The following CSNK2A2IP variants were observed in gnomAD, a reference collection of about 807,000 sequenced individuals.
CSNK2A2IP encodes casein kinase 2 subunit alpha' interacting protein.
the CSNK2A2IP span, among the ~76,000 whole-genome samples, chr3:88,347,805 C>T: frequency 6.6e-6 from 1 of 151,876 alleles, no homozygotes; most frequent in East Asian, 1.9e-4. Flanking sequence ...TATCTTCTAT[C>T]CTTTTAATAT....
At chr3:88,439,395 C>A in the CSNK2A2IP span, among the ~76,000 whole-genome samples, 1 of 151,710 alleles carries the variant, frequency 6.6e-6, no homozygotes, top group Non-Finnish European at 1.5e-5. Flanking sequence ...CTCTGTAAAC[C>A]TTTTTAGGTT....
chr3:88,394,653 C>A, the CSNK2A2IP span, among the ~76,000 whole-genome samples: 1 of 152,202 alleles, frequency 6.6e-6, no homozygotes, highest in East Asian at 1.9e-4. Context: ...GGATTACAGG[C>A]CTGAGCCAGC....
the CSNK2A2IP span, among the ~76,000 whole-genome samples, chr3:88,339,154 T>A: frequency 6.6e-6 from 1 of 152,090 alleles, no homozygotes; most frequent in Non-Finnish European, 1.5e-5. Flanking sequence ...TAGATCTTAT[T>A]TCTTCTATTG....
chr3:88,362,565 T>C, the CSNK2A2IP span, among the ~76,000 whole-genome samples: 1 of 152,206 alleles, frequency 6.6e-6, no homozygotes, highest in Non-Finnish European at 1.5e-5. Flanking sequence ...ATAATGCCCA[T>C]GACCTCTTAG....
the CSNK2A2IP span, among the ~76,000 whole-genome samples, chr3:88,386,531 T>G: frequency 2.6e-5 from 4 of 152,128 alleles, no homozygotes; most frequent in African/African-American, 9.7e-5. Context: ...AACAAAATAA[T>G]TGAGGCCATT....
At chr3:88,453,398 T>C in the CSNK2A2IP span, among the ~76,000 whole-genome samples, 8 of 152,108 alleles carry the variant, frequency 5.3e-5, no homozygotes, top group Non-Finnish European at 1.0e-4. Flanking sequence ...CAATTTTATA[T>C]TGCATATTCT....
chr3:88,392,281 G>A, the CSNK2A2IP span, among the ~76,000 whole-genome samples: 1 of 152,190 alleles, frequency 6.6e-6, no homozygotes, highest in Non-Finnish European at 1.5e-5. Flanking sequence ...TGGATATGTG[G>A]TTCAGAATTC....
chr3:88,379,177 C>T, the CSNK2A2IP span, among the ~76,000 whole-genome samples: 9 of 151,960 alleles, frequency 5.9e-5, no homozygotes, highest in Admixed American at 4.6e-4. Context: ...AGCCTAGATT[C>T]ACCATAGCTC....
At chr3:88,370,389 G>A in the CSNK2A2IP span, among the ~76,000 whole-genome samples, 1 of 151,864 alleles carries the variant, frequency 6.6e-6, no homozygotes, top group Non-Finnish European at 1.5e-5. Context: ...ACTAGCAGTG[G>A]CTAGACAGAT....
chr3:88,362,249 C>A, the CSNK2A2IP span, among the ~76,000 whole-genome samples: 1 of 152,106 alleles, frequency 6.6e-6, no homozygotes, highest in Admixed American at 6.6e-5. Flanking sequence ...CTTAAGAGAG[C>A]TTTCAGAGAA....
the CSNK2A2IP span, among the ~76,000 whole-genome samples, chr3:88,451,943 G>A: frequency 2.9e-3 from 438 of 151,914 alleles, 2 homozygotes; most frequent in African/African-American, 9.9e-3. Flanking sequence ...TTTGAATTGA[G>A]TTTCCTATTC....
the CSNK2A2IP span, among the ~76,000 whole-genome samples, chr3:88,457,485 C>A: frequency 6.6e-6 from 1 of 151,842 alleles, no homozygotes; most frequent in African/African-American, 2.4e-5. Flanking sequence ...CACCTGAGGT[C>A]AGGCATTTGA....
the CSNK2A2IP span, among the ~76,000 whole-genome samples, chr3:88,362,219 G>A: frequency 6.6e-6 from 1 of 152,042 alleles, no homozygotes; most frequent in African/African-American, 2.4e-5. Flanking sequence ...CACAGTCTGG[G>A]CTTGTTTATA....
At chr3:88,362,809 A>T in the CSNK2A2IP span, among the ~76,000 whole-genome samples, 1 of 152,180 alleles carries the variant, frequency 6.6e-6, no homozygotes, top group Non-Finnish European at 1.5e-5. Context: ...GCTTTATTTT[A>T]ACGTGGCTGA....
chr3:88,445,912 TTCTC>T, the CSNK2A2IP span, among the ~76,000 whole-genome samples: 29 of 149,684 alleles, frequency 1.9e-4, no homozygotes, highest in African/African-American at 4.8e-4. Context: ...TCTTTCTTCT[TTCTC>T]TCTTTCTTTC....
the CSNK2A2IP span, among the ~76,000 whole-genome samples, chr3:88,448,740 C>A: frequency 6.6e-6 from 1 of 152,180 alleles, no homozygotes; most frequent in African/African-American, 2.4e-5. Flanking sequence ...TGCAGCCTAT[C>A]TGTAAATTTA....
chr3:88,381,263 T>A, the CSNK2A2IP span, among the ~76,000 whole-genome samples: 1 of 152,186 alleles, frequency 6.6e-6, no homozygotes, highest in Non-Finnish European at 1.5e-5. Flanking sequence ...AATAAAGACC[T>A]GAGGTCTTCT....
At chr3:88,398,296 T>C in the CSNK2A2IP span, among the ~76,000 whole-genome samples, 31 of 152,140 alleles carry the variant, frequency 2.0e-4, no homozygotes, top group Non-Finnish European at 4.1e-4. Flanking sequence ...AGACTCATTA[T>C]ATGACTTAGA....
At chr3:88,379,010 G>A in the CSNK2A2IP span, among the ~76,000 whole-genome samples, 2 of 151,886 alleles carry the variant, frequency 1.3e-5, no homozygotes, top group African/African-American at 4.8e-5. Flanking sequence ...ATACCTTAAG[G>A]TAAAATGCTT....
Sources: gnomAD v4.1 joint callset for allele counts (sites outside exome capture counted in the v4.1 genomes callset) on GRCh38, gnomAD v4.1.1 for gene constraint, MANE v1.5 for transcripts, NCBI Gene and HGNC (gene_info 2026-07-23, HGNC 2026-07-21) for gene names.